KLF17: variants seen among roughly 807,000 people sequenced by gnomAD.
KLF17 encodes Krueppel-like factor 17.
Under a neutral mutation model 34.2 loss-of-function variants are expected in KLF17, and 31 were observed. That is an observed-to-expected ratio of 0.91 (90% CI 0.68 to 1.22). KLF17 has a LOEUF of 1.22. Among genes scored for constraint, KLF17 ranks in the 50% most tolerant of loss-of-function variants. The pLI is 0.00. For missense variants in KLF17, 478 were observed against 505.2 expected, an observed-to-expected ratio of 0.95 and a Z score of 0.52; for synonymous variants, 179 against 186.7, an observed-to-expected ratio of 0.96 and a Z score of 0.34.
chr1:44,076,210 C>T, the KLF17 span: 4 of 152,208 alleles, frequency 2.6e-5, no homozygotes, highest in Non-Finnish European at 2.9e-5. Context: ...CCATGTGATG[C>T]AAACCTTGAC....
chr1:44,118,665 GTGGC>G (rs66598105), upstream of KLF17, among the ~76,000 whole-genome samples: 80,397 of 150,418 alleles, frequency 0.53, 21,845 homozygotes, highest in East Asian at 0.79. Flanking sequence ...AAGGCCTGAA[GTGGC>G]TGGCTGTCCG....
At chr1:44,111,624 A>G in the KLF17 span, among the ~76,000 whole-genome samples, 1 of 152,070 alleles carries the variant, frequency 6.6e-6, no homozygotes, top group African/African-American at 2.4e-5. Context: ...TATCAAAACT[A>G]AGAAATAGCC....
At chr1:44,080,335 T>C in the KLF17 span, among the ~76,000 whole-genome samples, 38,188 of 148,290 alleles carry the variant, frequency 0.26, 5,192 homozygotes, top group South Asian at 0.47. Flanking sequence ...GCCTCCCGGG[T>C]TCACACCGTT....
chr1:44,116,653 G>A (rs116218558), upstream of KLF17, among the ~76,000 whole-genome samples: 1,269 of 152,268 alleles, frequency 8.3e-3, 20 homozygotes, highest in African/African-American at 0.029. Flanking sequence ...AGTGACCTCC[G>A]TCTTGCCAAA....
At chr1:44,050,280 G>T in the KLF17 span, among the ~76,000 whole-genome samples, 2 of 152,186 alleles carry the variant, frequency 1.3e-5, no homozygotes, top group African/African-American at 2.4e-5. Context: ...TGAGGTAGGA[G>T]GCAGGACTTG....
chr1:44,122,016 T>A, intron 1 of KLF17: 1 of 659,772 alleles, frequency 1.5e-6, no homozygotes, highest in Non-Finnish European at 2.6e-6. Flanking sequence ...CAAAATAAAT[T>A]TCCTTTTCCT....
At chr1:44,071,518 C>T in the KLF17 span, among the ~76,000 whole-genome samples, 5 of 152,128 alleles carry the variant, frequency 3.3e-5, no homozygotes, top group South Asian at 2.1e-4. Flanking sequence ...GAAGCATCTT[C>T]ATCCACTCAG....
the KLF17 span, chr1:44,104,441 G>A: frequency 1.2e-6 from 1 of 820,672 alleles, no homozygotes; most frequent in Non-Finnish European, 2.1e-6. Flanking sequence ...GCTGCCCCAG[G>A]AACCGCACCT....
At chr1:44,070,448 T>C in the KLF17 span, among the ~76,000 whole-genome samples, 2 of 152,196 alleles carry the variant, frequency 1.3e-5, no homozygotes, top group African/African-American at 4.8e-5. Flanking sequence ...CACGTGGTAT[T>C]TGTTTTTCTG....
chr1:44,078,716 A>T, the KLF17 span, among the ~76,000 whole-genome samples: 1 of 152,160 alleles, frequency 6.6e-6, no homozygotes, highest in Non-Finnish European at 1.5e-5. Context: ...GATTACAGAC[A>T]CGAGCTGCTG....
At chr1:44,055,896 A>C in the KLF17 span, among the ~76,000 whole-genome samples, 1 of 152,242 alleles carries the variant, frequency 6.6e-6, no homozygotes, top group Non-Finnish European at 1.5e-5. Context: ...ATCAGAGGGC[A>C]GTTAATGAGA....
At chr1:44,099,099 GA>G in the KLF17 span, among the ~76,000 whole-genome samples, 1 of 151,920 alleles carries the variant, frequency 6.6e-6, no homozygotes, top group Non-Finnish European at 1.5e-5. Flanking sequence ...TTTTGTGTGA[GA>G]AAGAGAAAAC....
At chr1:44,084,280 G>C in the KLF17 span, among the ~76,000 whole-genome samples, 23 of 152,288 alleles carry the variant, frequency 1.5e-4, no homozygotes, top group African/African-American at 5.5e-4. Flanking sequence ...GATGGGATTA[G>C]TGTGTCAGTA....
the KLF17 span, among the ~76,000 whole-genome samples, chr1:44,070,722 T>A: frequency 2.0e-5 from 3 of 150,738 alleles, no homozygotes; most frequent in East Asian, 6.0e-4. Flanking sequence ...CTTGTCTTTA[T>A]CAGAGCCAAA....
chr1:44,094,096 AT>A, the KLF17 span, among the ~76,000 whole-genome samples: 2 of 152,160 alleles, frequency 1.3e-5, no homozygotes, highest in Non-Finnish European at 2.9e-5. Context: ...ATATACCACG[AT>A]TTTGCAGGCT....
the KLF17 span, among the ~76,000 whole-genome samples, chr1:44,081,518 C>T: frequency 1.1e-4 from 17 of 151,528 alleles, no homozygotes; most frequent in African/African-American, 4.1e-4. Context: ...CGGGTTCAAG[C>T]AATTCTCTTG....
At chr1:44,093,202 G>T in the KLF17 span, among the ~76,000 whole-genome samples, 1 of 151,952 alleles carries the variant, frequency 6.6e-6, no homozygotes, top group Non-Finnish European at 1.5e-5. Context: ...ACCAACCTAA[G>T]TCCAGCTGGT....
the KLF17 span, among the ~76,000 whole-genome samples, chr1:44,046,439 C>T: frequency 9.2e-5 from 14 of 151,806 alleles, no homozygotes; most frequent in Non-Finnish European, 1.3e-4. Flanking sequence ...CTAGGCTAGT[C>T]GTGAACTCCT....
At position 44,129,986 on chromosome 1, in the gene KLF17, C is replaced by T. The variant is rs746959776; in HGVS notation, c.715C>T (p.Leu239Phe). The T allele has an allele frequency of 3.0e-5, 49 of 1,614,184 alleles. No individual in the cohort carries two copies. The highest frequency in any genetic ancestry group is 4.0e-5 in the Non-Finnish European group (47 of 1,180,026). Residue 239 changes from leucine to phenylalanine, a missense_variant, in exon 2 of 4, where the codon CTT becomes TTT. Transcript: ENST00000372299. ...SLLVLGSQDS[L>F]VSQPDSQEGP... ...GCTGGTTTTAGGATCTCAGGACTCT[C>T]TTGTCAGTCAGCCAGACTCTCAAGA... is the stretch of plus-strand genomic sequence containing the variant.
Sources: gnomAD v4.1 joint callset for allele counts (sites outside exome capture counted in the v4.1 genomes callset) on GRCh38, gnomAD v4.1.1 for gene constraint, MANE v1.5 for transcripts, NCBI Gene and HGNC (gene_info 2026-07-23, HGNC 2026-07-21) for gene names.